Variants in CCN6 observed in about 807,000 individuals in gnomAD.
CCN6 encodes cellular communication network factor 6.
CCN6 carries 31 observed loss-of-function variants against 37.4 expected under a neutral mutation model. The observed-to-expected ratio is 0.83, with a 90% CI of 0.62 to 1.12. The LOEUF is 1.12. Among genes scored for constraint, CCN6 ranks in the 50% most tolerant of loss-of-function variants. CCN6 has a pLI of 0.00. For missense variants in CCN6, 369 were observed against 413.8 expected (o/e 0.89, Z 0.94); for synonymous variants, 137 against 142.1 (o/e 0.96, Z 0.26).
Position 112,060,980 on chromosome 6 carries a change from A to T in CCN6, c.49-11A>T. The T allele has an allele frequency of 1.9e-6, 3 of 1,613,918 alleles. No homozygotes were observed. Among genetic ancestry groups the T allele is most frequent in the Non-Finnish European group, 2.5e-6 (3 of 1,180,004 alleles). On this transcript the variant is annotated splice_polypyrimidine_tract_variant and intron_variant, in intron 1 of 4. Transcript: ENST00000368666. ...AGCTATTTCTAACATCACCTTTATT[A>T]TCAAATGAAGTTCTGCTGCAGGGTA...
At chr6:112,068,420 C>T (rs587620687) in intron 4 of CCN6, 22 bp downstream of exon 4, 4 of 1,573,684 alleles carry the variant, frequency 2.5e-6, no homozygotes, top group Non-Finnish European at 8.7e-7. Flanking sequence ...ATATATTTAA[C>T]TTAATTCAAT....
In CCN6 at chr6:112,064,616, A is replaced by T. The variant is rs990402267; in HGVS notation, c.347-139A>T. The T allele has an allele frequency of 3.0e-6, 4 of 1,326,680 alleles. No individual in the cohort carries two copies. The African/African-American group carries it at 5.8e-5, about 19-fold the overall frequency. The allele number at this position is 1,326,680 out of a possible 1,614,324, so 82.2% of individuals were successfully genotyped here. On this transcript the variant is annotated intron_variant, in intron 2 of 4. Transcript: ENST00000368666. ...CCTTTCTACAGATGTCCTGTGAAGG[A>T]GGTTCCAAATGGAACCTAAGAGGTT...
chr6:112,068,495 A>C, intron 4 of CCN6, 97 bp downstream of exon 4: 1 of 1,128,306 alleles, frequency 8.9e-7, no homozygotes. Context: ...TTTAGTTCTT[A>C]GAAAAATAAA....
intron 3 of CCN6, among the ~76,000 whole-genome samples, chr6:112,065,608 A>ACACGCACACACACACACG (rs1485965890): frequency 1.1e-4 from 8 of 75,392 alleles, no homozygotes; most frequent in Admixed American, 6.6e-4. Context: ...ACAAACACAC[A>ACACGCACACACACACACG]CGCACACACA....
In CCN6 at chr6:112,064,561, C is replaced by A. The variant is rs138553130; in HGVS notation, c.347-194C>A. ...GTGACCATGTGGGGTTTATAGCCTG[C>A]AATATAATAAAAATGCCTCACTTTA... On this transcript the variant is annotated intron_variant, in intron 2 of 4. Transcript: ENST00000368666. 8.4e-4 allele frequency among the ~76,000 whole-genome samples: 128 copies of A among 152,192 alleles called. 1 individual carries two copies. The East Asian group carries it at 0.024, about 28-fold the overall frequency.
At chr6:112,062,844 C>T (rs144626584) in intron 2 of CCN6, among the ~76,000 whole-genome samples, 10 of 152,234 alleles carry the variant, frequency 6.6e-5, no homozygotes, top group East Asian at 3.9e-4. Flanking sequence ...TTTTGATCTG[C>T]GGACCCCTTT....
intron 2 of CCN6, among the ~76,000 whole-genome samples, chr6:112,064,359 C>A (rs1415698484): frequency 1.3e-5 from 2 of 152,204 alleles, no homozygotes; most frequent in African/African-American, 4.8e-5. Flanking sequence ...CTGTAGTTAA[C>A]TAACGTATAG....
chr6:112,065,621 C>CACACGCGCGCACACACAT (rs1562597714), intron 3 of CCN6, among the ~76,000 whole-genome samples: 1 of 128,812 alleles, frequency 7.8e-6, no homozygotes, highest in African/African-American at 3.2e-5. Context: ...CACACACACA[C>CACACGCGCGCACACACAT]GCACGCACAC....
chr6:112,061,311 G>C (rs1554312832), intron 2 of CCN6, 23 bp downstream of exon 2: 1 of 1,613,976 alleles, frequency 6.2e-7, no homozygotes, highest in East Asian at 2.2e-5. Context: ...TTCTGGACCT[G>C]CTGGAAAAGA....
At position 112,061,206 on chromosome 6, in the gene CCN6, A is replaced by G. The variant is rs782667474; in HGVS notation, c.264A>G (p.Glu88=). ...AGCAACCAGGGGAAATCTGCAATGA[A>G]GCTGACCTCTGTGACCCACACAAAG... The part of the protein sequence containing the change: ...CAKQPGEICN[E]ADLCDPHKGL... The change falls in exon 2 of 5, where the codon GAA becomes GAG. Residue 88 remains glutamate (E), a synonymous_variant. Transcript: ENST00000368666. 1.2e-6 allele frequency: 2 copies of G among 1,614,210 alleles called. No homozygotes were observed. Among genetic ancestry groups the G allele is most frequent in the Non-Finnish European group, 1.7e-6 (2 of 1,180,040 alleles).
At chr6:112,062,564 A>G (rs1368776874) in intron 2 of CCN6, among the ~76,000 whole-genome samples, 1 of 152,262 alleles carries the variant, frequency 6.6e-6, no homozygotes, top group East Asian at 1.9e-4. Context: ...GACTTTTAAC[A>G]GGGCATAGCC....
intron 2 of CCN6, among the ~76,000 whole-genome samples, chr6:112,062,751 G>A (rs1207972589): frequency 1.3e-5 from 2 of 152,200 alleles, no homozygotes; most frequent in African/African-American, 4.8e-5. Flanking sequence ...ACACTCTCTG[G>A]CTTGCAAAGG....
At chr6:112,065,797 G>T (rs1776681337) in intron 3 of CCN6, among the ~76,000 whole-genome samples, 1 of 152,098 alleles carries the variant, frequency 6.6e-6, no homozygotes, top group African/African-American at 2.4e-5. Context: ...ATTCTGGTCT[G>T]CTCTAAGTTA....
chr6:112,069,599 T>G lies in CCN6; in HGVS notation c.1044T>G (p.Phe348Leu), dbSNP rs1554314811. The G allele has an allele frequency of 1.2e-6, 2 of 1,613,586 alleles. No individual in the cohort carries two copies. Among genetic ancestry groups the G allele is most frequent in the African/African-American group, 2.7e-5 (2 of 74,886 alleles). ...QRNCREPGDI[F>L]SELKIL ...ACTGCAGAGAACCTGGAGATATATT[T>G]TCTGAGCTCAAGATTCTGTAAAACC... The change falls in exon 5 of 5, where the codon TTT (phenylalanine) becomes TTG (leucine). Residue 348 changes from phenylalanine to leucine, a missense_variant. Physicochemically the swap from Phe to Leu is conservative, Grantham distance 22. Transcript: ENST00000368666.
intron 3 of CCN6, among the ~76,000 whole-genome samples, chr6:112,066,308 T>C (rs1401838542): frequency 2.0e-5 from 3 of 152,108 alleles, no homozygotes; most frequent in African/African-American, 7.2e-5. Flanking sequence ...GTTTTCTGCA[T>C]TGGATTTTAG....
chr6:112,067,092 T>C, intron 3 of CCN6: 9 of 1,254,582 alleles, frequency 7.2e-6, no homozygotes. Context: ...GAGACTCTAC[T>C]GTCATAACAC....
At chr6:112,069,225 C>A in intron 4 of CCN6, 114 bp from the exon 5 acceptor site, 4 of 1,235,166 alleles carry the variant, frequency 3.2e-6, no homozygotes, top group South Asian at 2.9e-5. Context: ...CACTACATAG[C>A]AACTTTTATT....
chr6:112,069,457 A>C lies in CCN6; in HGVS notation c.902A>C (p.Asp301Ala). 1.2e-6 allele frequency: 2 copies of C among 1,613,798 alleles called. No homozygotes were observed. The highest frequency in any genetic ancestry group is 1.7e-6 in the Non-Finnish European group (2 of 1,179,876). ...CCCACTTTTTGTGGAATATGCTTGGATAAGAGATGCTGTATCCCTAATAAG... is the reference window on the plus strand; with the variant it reads ...CCCACTTTTTGTGGAATATGCTTGGCTAAGAGATGCTGTATCCCTAATAAG... ...YKPTFCGICL[D>A]KRCCIPNKSK... Residue 301 changes from aspartate (D) to alanine (A), a missense_variant, in exon 5 of 5, where the codon GAT becomes GCT. By Grantham distance (126) the Asp-to-Ala change is moderately radical (BLOSUM62 -2). Transcript: ENST00000368666.
At chr6:112,058,248 T>G (rs1554312153) in intron 1 of CCN6, among the ~76,000 whole-genome samples, 1 of 152,204 alleles carries the variant, frequency 6.6e-6, no homozygotes. Context: ...GAAACGTTAC[T>G]CTTTACTGAG....
Sources: gnomAD v4.1 joint callset for allele counts (sites outside exome capture counted in the v4.1 genomes callset) on GRCh38, gnomAD v4.1.1 for gene constraint, MANE v1.5 for transcripts, NCBI Gene and HGNC (gene_info 2026-07-23, HGNC 2026-07-21) for gene names.